Variants in MAPKAPK2 observed in about 807,000 individuals in gnomAD.
MAPKAPK2 encodes MAPK activated protein kinase 2.
In MAPKAPK2, 9 loss-of-function variants were observed where a neutral mutation model predicts 48.8. The ratio of observed to expected loss-of-function variants is 0.18; its 90% CI spans 0.11 to 0.32. The LOEUF is 0.32. MAPKAPK2 is among the 10% of genes least tolerant of loss of function. The pLI is 1.00. For missense variants in MAPKAPK2, 331 were observed against 498.3 expected (o/e 0.66, Z 3.20); for synonymous variants, 202 against 190.6 (o/e 1.06, Z -0.49).
chr1:206,694,255 G>A (rs1672547431), intron 1 of MAPKAPK2, among the ~76,000 whole-genome samples: 1 of 152,164 alleles, frequency 6.6e-6, no homozygotes, highest in African/African-American at 2.4e-5. Context: ...GTGTATGGTG[G>A]AGAGTGATGG....
At chr1:206,694,077 C>T (rs986426966) in intron 1 of MAPKAPK2, among the ~76,000 whole-genome samples, 3 of 152,198 alleles carry the variant, frequency 2.0e-5, no homozygotes, top group Admixed American at 6.5e-5. Flanking sequence ...AGAATATTTG[C>T]TTAGCTGATA....
chr1:206,706,729 G>C (rs1672971404), intron 1 of MAPKAPK2, among the ~76,000 whole-genome samples: 1 of 152,180 alleles, frequency 6.6e-6, no homozygotes, highest in Non-Finnish European at 1.5e-5. Context: ...TAGACAAATC[G>C]GTCATGATGG....
In MAPKAPK2 at chr1:206,731,411, G is replaced by T; in HGVS notation, c.892+149G>T. ...ACCTATGCCCACGCCTGCGGGGTGC[G>T]TCCTGCTTCATTTTGCCTGTGTGGA... On this transcript the variant is annotated intron_variant, in intron 7 of 9. Transcript: ENST00000367103. This position sits in a 1 kb window ranked among gnomAD's most constrained non-coding sequence, Gnocchi z 5.9. 7.0e-7 allele frequency: 1 copy of T among 1,432,084 alleles called. No homozygotes were observed. Among genetic ancestry groups the T allele is most frequent in the Non-Finnish European group, 9.4e-7 (1 of 1,059,498 alleles). 88.7% of individuals were successfully genotyped at this position (1,432,084 alleles called of 1,614,324 possible).
chr1:206,700,272 C>T (rs1176774107), intron 1 of MAPKAPK2, among the ~76,000 whole-genome samples: 2 of 152,152 alleles, frequency 1.3e-5, no homozygotes, highest in African/African-American at 4.8e-5. Flanking sequence ...AGAGAATCCT[C>T]TCCTTTGTCC....
chr1:206,728,662 C>T (rs1553432165), intron 1 of MAPKAPK2, 48 bp from the exon 2 acceptor site: 9 of 1,591,580 alleles, frequency 5.7e-6, no homozygotes, highest in Non-Finnish European at 6.8e-6. Context: ...GGGCTTAGAG[C>T]AGGCCCATGT....
rs76306053 is a variant in MAPKAPK2 at position 206,703,903 on chromosome 1, A to C, written c.279+18395A>C. Among the ~76,000 whole-genome samples, 89 of 152,354 alleles carry C rather than the reference A, an allele frequency of 5.8e-4. 1 individual carries two copies. In the East Asian group the frequency reaches 0.016, roughly 28 times the overall value. ...AGCAGGGGCAGCCTGCTAAAGAGGCAGAGGCTTCTTGTGAGGGCGGGGAGC... is the reference window on the plus strand; with the variant it reads ...AGCAGGGGCAGCCTGCTAAAGAGGCCGAGGCTTCTTGTGAGGGCGGGGAGC... On this transcript the variant is annotated intron_variant, in intron 1 of 9. Coordinates refer to ENST00000367103, the MANE Select transcript of MAPKAPK2 (RefSeq NM_032960.4).
At chr1:206,699,663 CAT>C (rs1672737107) in intron 1 of MAPKAPK2, among the ~76,000 whole-genome samples, 1 of 152,226 alleles carries the variant, frequency 6.6e-6, no homozygotes, top group Non-Finnish European at 1.5e-5. Flanking sequence ...TTTGGGCCCT[CAT>C]ATGGCTTCTC....
intron 1 of MAPKAPK2, among the ~76,000 whole-genome samples, chr1:206,699,393 T>C (rs1553427558): frequency 6.6e-6 from 1 of 152,182 alleles, no homozygotes; most frequent in Non-Finnish European, 1.5e-5. Flanking sequence ...GACATATACC[T>C]GTGACACAGC....
chr1:206,689,741 A>G (rs1553426020), intron 1 of MAPKAPK2, among the ~76,000 whole-genome samples: 1 of 152,274 alleles, frequency 6.6e-6, no homozygotes, highest in African/African-American at 2.4e-5. Context: ...AAAATTAATT[A>G]ACATGAATGG....
chr1:206,729,177 C>G (rs1289641187), intron 3 of MAPKAPK2, 78 bp downstream of exon 3: 2 of 1,470,734 alleles, frequency 1.4e-6, no homozygotes, highest in Non-Finnish European at 1.9e-6. Flanking sequence ...GCAGTGCCTG[C>G]TCTTGGGGAA....
intron 1 of MAPKAPK2, among the ~76,000 whole-genome samples, chr1:206,718,621 G>A (rs1553430784): frequency 6.6e-6 from 1 of 151,752 alleles, no homozygotes; most frequent in East Asian, 1.9e-4. Context: ...CCATTTAATA[G>A]CATCCTGCTC....
rs1553425466 is a variant in MAPKAPK2, at chr1:206,685,546, C to T, written c.279+38C>T. ...CCCGGGGAGGGGAGGCGGGGCCGGT[C>T]CCGGGCCCTGGAGCTCCACGGCGTC... On this transcript the variant is annotated intron_variant, in intron 1 of 9. Transcript: ENST00000367103. 4 of 1,443,676 alleles carry T rather than the reference C, an allele frequency of 2.8e-6. No individual in the cohort carries two copies. The Admixed American group carries it at 6.9e-5, about 25-fold the overall frequency. 89.4% of individuals were successfully genotyped at this position (1,443,676 alleles called of 1,614,324 possible). A position where few individuals can be genotyped will look rare whatever the true frequency, so the allele number is the denominator to read the frequency against.
intron 1 of MAPKAPK2, among the ~76,000 whole-genome samples, chr1:206,706,238 G>A (rs1410925785): frequency 3.3e-5 from 5 of 152,024 alleles, no homozygotes; most frequent in Non-Finnish European, 5.9e-5. Flanking sequence ...GAAGGAGCTA[G>A]GGGAGGTGTC....
chr1:206,716,405 A>G (rs1553430383), intron 1 of MAPKAPK2, among the ~76,000 whole-genome samples: 1 of 152,008 alleles, frequency 6.6e-6, no homozygotes, highest in Non-Finnish European at 1.5e-5. Flanking sequence ...CATAACAATC[A>G]TCTATCTTCC....
intron 1 of MAPKAPK2, among the ~76,000 whole-genome samples, chr1:206,697,480 A>T (rs1318633700): frequency 6.6e-6 from 1 of 151,818 alleles, no homozygotes; most frequent in African/African-American, 2.4e-5. Context: ...GCTTTTGCTC[A>T]TGGGGGAAGT....
At chr1:206,705,741 G>A (rs1454845873) in intron 1 of MAPKAPK2, among the ~76,000 whole-genome samples, 2 of 152,214 alleles carry the variant, frequency 1.3e-5, no homozygotes, top group Non-Finnish European at 2.9e-5. Flanking sequence ...AATTCAAGGA[G>A]GAATTCAGAA....
intron 1 of MAPKAPK2, among the ~76,000 whole-genome samples, chr1:206,688,758 C>T (rs1354809543): frequency 6.6e-6 from 1 of 152,142 alleles, no homozygotes; most frequent in African/African-American, 2.4e-5. Flanking sequence ...CCTCAGCCTC[C>T]TGAGTAGCTG....
Position 206,709,487 on chromosome 1 carries a change from T to C in MAPKAPK2, c.280-19223T>C, listed in dbSNP as rs567581079. Among the ~76,000 whole-genome samples, 13 of 152,284 alleles carry C rather than the reference T, an allele frequency of 8.5e-5. No individual in the cohort carries two copies. The East Asian group carries it at 1.2e-3, about 14-fold the overall frequency. ...TGAGCTAGGTACTTGATCTGTGAGC[T>C]GAAGGAAATATTAACTTTTTGGCAG... is the stretch of plus-strand genomic sequence containing the variant. On this transcript the variant is annotated intron_variant, in intron 1 of 9. Coordinates refer to ENST00000367103, the MANE Select transcript of MAPKAPK2 (RefSeq NM_032960.4).
chr1:206,685,408 T>C lies in MAPKAPK2; in HGVS notation c.179T>C (p.Ile60Thr). 6.7e-7 allele frequency: 1 copy of C among 1,501,098 alleles called. No homozygotes were observed. The highest frequency in any genetic ancestry group is 1.1e-5 in the South Asian group (1 of 87,370). The allele number at this position is 1,501,098 out of a possible 1,614,324, so 93.0% of individuals were successfully genotyped here. A position where few individuals can be genotyped will look rare whatever the true frequency, so the allele number is the denominator to read the frequency against. Residue 60 changes from isoleucine (I) to threonine (T), a missense_variant, in exon 1 of 10, where the codon ATC (isoleucine) becomes ACC (threonine). Coordinates refer to ENST00000367103, the MANE Select transcript of MAPKAPK2 (RefSeq NM_032960.4). ...SGLQIKKNAI[I>T]DDYKVTSQVL... ...CTGCAGATCAAGAAGAACGCCATCA[T>C]CGATGACTACAAGGTCACCAGCCAG... is the stretch of plus-strand genomic sequence containing the variant.
Sources: gnomAD v4.1 joint callset for allele counts (sites outside exome capture counted in the v4.1 genomes callset) on GRCh38, gnomAD v4.1.1 for gene constraint, Gnocchi (gnomAD v3.1) non-coding constraint, MANE v1.5 for transcripts, NCBI Gene and HGNC (gene_info 2026-07-23, HGNC 2026-07-21) for gene names.